The following PLCE1 variants were observed in gnomAD, a reference collection of about 807,000 sequenced individuals.
PLCE1 encodes 1-phosphatidylinositol 4,5-bisphosphate phosphodiesterase epsilon-1.
Under a neutral mutation model 242.8 loss-of-function variants are expected in PLCE1, and 119 were observed. The observed-to-expected ratio is 0.49, with a 90% CI of 0.42 to 0.57. The LOEUF is 0.57. Ranked by LOEUF, PLCE1 falls within the 20% of genes least tolerant of loss-of-function variation. PLCE1 has a pLI of 0.00. For synonymous variants in PLCE1, 945 were observed against 1,017.4 expected (o/e 0.93, Z 1.35); for missense variants, 2,441 against 2,788.8 (o/e 0.88, Z 2.81).
intron 4 of PLCE1, among the ~76,000 whole-genome samples, chr10:94,187,529 G>A (rs770304197): frequency 1.2e-4 from 19 of 152,036 alleles, no homozygotes; most frequent in African/African-American, 3.6e-4. Context: ...CCGATGGCTC[G>A]GTACCCATTA....
intron 2 of PLCE1, among the ~76,000 whole-genome samples, chr10:94,098,361 G>C (rs2045394103): frequency 6.6e-6 from 1 of 152,180 alleles, no homozygotes; most frequent in African/African-American, 2.4e-5. Context: ...CCCCTCAGGA[G>C]TATTTCCCCT....
At chr10:94,271,361 C>A (rs2051728153) in intron 18 of PLCE1, among the ~76,000 whole-genome samples, 1 of 127,820 alleles carries the variant, frequency 7.8e-6, no homozygotes, top group Non-Finnish European at 1.5e-5. Flanking sequence ...GTCACCCAGG[C>A]TGGAGTGCAG....
chr10:94,224,562 G>A (rs2049875141), intron 4 of PLCE1, among the ~76,000 whole-genome samples: 1 of 152,196 alleles, frequency 6.6e-6, no homozygotes, highest in Admixed American at 6.5e-5. Flanking sequence ...TGAGTTGGGT[G>A]GCTTTGAGAA....
At chr10:94,313,478 C>T (rs1317557424) in intron 28 of PLCE1, 96 bp downstream of exon 28, 3 of 1,385,856 alleles carry the variant, frequency 2.2e-6, no homozygotes, top group African/African-American at 1.4e-5. Context: ...TACACAGATG[C>T]ACATGAATGC....
intron 2 of PLCE1, among the ~76,000 whole-genome samples, chr10:94,073,324 A>G (rs1564664334): frequency 6.6e-6 from 1 of 152,304 alleles, no homozygotes; most frequent in African/African-American, 2.4e-5. Flanking sequence ...TTTGAATTCC[A>G]AGTAACCAAC....
chr10:94,032,708 C>A (rs74149561), intron 2 of PLCE1, among the ~76,000 whole-genome samples: 3,500 of 152,052 alleles, frequency 0.023, 117 homozygotes, highest in African/African-American at 0.081. Context: ...ATTCCTTTGG[C>A]AAAGTGATGA....
chr10:94,306,262 G>C lies in PLCE1; in HGVS notation c.5623-165G>C, dbSNP rs1039843282. 4.6e-5 allele frequency among the ~76,000 whole-genome samples: 7 copies of C among 152,064 alleles called. No individual in the cohort carries two copies. The highest frequency in any genetic ancestry group is 1.5e-5 in the Non-Finnish European group (1 of 68,004). On this transcript the variant is annotated intron_variant, in intron 25 of 32. Coordinates refer to ENST00000371380, the MANE Select transcript of PLCE1 (RefSeq NM_016341.4). The surrounding 1 kb of genome is among the most constrained non-coding windows in gnomAD (Gnocchi z 5.7). ...TGGGATTACAGGCATAAGCCACCGC[G>C]CCCAGCCCTACAATCACTTACTTTT...
chr10:94,025,183 G>C (rs1268673086), intron 1 of PLCE1, among the ~76,000 whole-genome samples: 1 of 152,190 alleles, frequency 6.6e-6, no homozygotes, highest in Non-Finnish European at 1.5e-5. Flanking sequence ...GGCAGGAAAA[G>C]GGCAGACTCT....
chr10:94,150,463 A>G (rs2047238777), intron 3 of PLCE1, among the ~76,000 whole-genome samples: 1 of 152,334 alleles, frequency 6.6e-6, no homozygotes, highest in South Asian at 2.1e-4. Context: ...GGCTGTTTGA[A>G]GAAGATGTAG....
At chr10:94,209,675 G>A (rs991749807) in intron 4 of PLCE1, among the ~76,000 whole-genome samples, 2 of 152,226 alleles carry the variant, frequency 1.3e-5, no homozygotes, top group African/African-American at 4.8e-5. Context: ...GAGGGACTAA[G>A]TGGTGGAACA....
chr10:94,314,497 G>A (rs1422952818), intron 28 of PLCE1, among the ~76,000 whole-genome samples: 2 of 152,170 alleles, frequency 1.3e-5, no homozygotes, highest in South Asian at 2.1e-4. Flanking sequence ...AGTAAGCTGA[G>A]GCAGGAGAAT....
At chr10:94,013,359 G>A (rs1440352347) in intron 1 of PLCE1, among the ~76,000 whole-genome samples, 2 of 152,138 alleles carry the variant, frequency 1.3e-5, no homozygotes, top group Admixed American at 1.3e-4. Flanking sequence ...AGGAGGCCTT[G>A]TAAGGCACTC....
At chr10:94,082,525 G>A (rs2044682317) in intron 2 of PLCE1, among the ~76,000 whole-genome samples, 1 of 152,160 alleles carries the variant, frequency 6.6e-6, no homozygotes, top group South Asian at 2.1e-4. Flanking sequence ...TCAGTGGTGG[G>A]AGTGCACCTC....
intron 2 of PLCE1, among the ~76,000 whole-genome samples, chr10:94,083,068 A>G (rs1257828272): frequency 1.3e-5 from 2 of 152,166 alleles, no homozygotes; most frequent in Non-Finnish European, 2.9e-5. Flanking sequence ...TTTTGCAACC[A>G]AGCTCCTGAT....
At chr10:94,252,682 A>G (rs2050921543) in intron 9 of PLCE1, among the ~76,000 whole-genome samples, 184 bp downstream of exon 9, 1 of 152,148 alleles carries the variant, frequency 6.6e-6, no homozygotes, top group South Asian at 2.1e-4. Context: ...CAGGGAAAAG[A>G]CAAGGTCCGC....
At chr10:94,020,609 G>T (rs2061359685) in intron 1 of PLCE1, among the ~76,000 whole-genome samples, 1 of 151,874 alleles carries the variant, frequency 6.6e-6, no homozygotes, top group Non-Finnish European at 1.5e-5. Context: ...GCTTTTATGT[G>T]TCGGACTATT....
chr10:94,276,240 A>G (rs2051950118), intron 19 of PLCE1, among the ~76,000 whole-genome samples: 2 of 152,226 alleles, frequency 1.3e-5, no homozygotes, highest in South Asian at 4.1e-4. Flanking sequence ...CATTTCCCAG[A>G]GTGTGCTTCG....
intron 5 of PLCE1, among the ~76,000 whole-genome samples, chr10:94,233,808 C>T (rs1427844461): frequency 6.6e-6 from 1 of 151,972 alleles, no homozygotes; most frequent in East Asian, 1.9e-4. Flanking sequence ...ATTAGCCAGG[C>T]ATAGTGGCGC....
intron 18 of PLCE1, among the ~76,000 whole-genome samples, chr10:94,271,940 CAG>C (rs1486892280): frequency 2.6e-5 from 4 of 152,138 alleles, no homozygotes; most frequent in Non-Finnish European, 5.9e-5. Context: ...GGTTTACAAA[CAG>C]GGAGTAGGTC....
Sources: gnomAD v4.1 joint callset for allele counts (sites outside exome capture counted in the v4.1 genomes callset) on GRCh38, gnomAD v4.1.1 for gene constraint, Gnocchi (gnomAD v3.1) non-coding constraint, MANE v1.5 for transcripts, NCBI Gene and HGNC (gene_info 2026-07-23, HGNC 2026-07-21) for gene names.